The following CLVS1 variants were observed in gnomAD, a reference collection of about 807,000 sequenced individuals.
CLVS1 encodes clavesin 1, also known as clavesin-1.
A neutral mutation model predicts 33.1 loss-of-function variants in CLVS1; 10 were observed. That is an observed-to-expected ratio of 0.30 (90% CI 0.19 to 0.51). The LOEUF (loss-of-function observed/expected upper bound fraction) is 0.51, where lower values mean the gene tolerates loss of function less well. Among genes scored for constraint, CLVS1 ranks in the 20% least tolerant of loss-of-function variants. CLVS1 has a pLI of 0.97. For synonymous variants in CLVS1, 163 were observed against 166.1 expected (o/e 0.98, Z 0.14); for missense variants, 343 against 433.4 (o/e 0.79, Z 1.85).
chr8:61,004,961 A>G, the CLVS1 span, among the ~76,000 whole-genome samples: 3 of 152,302 alleles, frequency 2.0e-5, no homozygotes, highest in African/African-American at 7.2e-5. Context: ...ACAAGACAAA[A>G]CAAAACAAAA....
chr8:61,351,654 C>T (rs1295243028), intron 2 of CLVS1, among the ~76,000 whole-genome samples: 1 of 151,784 alleles, frequency 6.6e-6, no homozygotes, highest in Non-Finnish European at 1.5e-5. Flanking sequence ...CACTTATAAA[C>T]AAAAGACAAA....
At chr8:61,476,690 A>AC (rs1466523909) in intron 5 of CLVS1, among the ~76,000 whole-genome samples, 2 of 152,144 alleles carry the variant, frequency 1.3e-5, no homozygotes, top group East Asian at 3.9e-4. Context: ...ACTTAAGGAG[A>AC]TTTTGGGCTG....
At chr8:61,076,818 G>C (rs767816400) in intron 1 of CLVS1, among the ~76,000 whole-genome samples, 2 of 152,134 alleles carry the variant, frequency 1.3e-5, no homozygotes, top group Non-Finnish European at 2.9e-5. Flanking sequence ...TGCACTGGAA[G>C]AAGGCCAGAG....
At chr8:61,453,658 A>G (rs1817042073) in intron 3 of CLVS1, among the ~76,000 whole-genome samples, 1 of 152,152 alleles carries the variant, frequency 6.6e-6, no homozygotes, top group Admixed American at 6.5e-5. Context: ...TCCTTTTGCA[A>G]CTACTTCCTA....
At chr8:61,191,542 A>C (rs547637472) in intron 2 of CLVS1, among the ~76,000 whole-genome samples, 1 of 152,324 alleles carries the variant, frequency 6.6e-6, no homozygotes, top group East Asian at 1.9e-4. Context: ...AGGCAGGAGA[A>C]AGAAATAAAG....
chr8:61,111,121 C>T (rs1398379441), intron 1 of CLVS1, among the ~76,000 whole-genome samples: 1 of 152,030 alleles, frequency 6.6e-6, no homozygotes, highest in Non-Finnish European at 1.5e-5. Context: ...ATACTGTTTG[C>T]AGTAGTGGAA....
At chr8:61,171,843 GA>G (rs760980600) in intron 2 of CLVS1, among the ~76,000 whole-genome samples, 1 of 152,158 alleles carries the variant, frequency 6.6e-6, no homozygotes, top group Non-Finnish European at 1.5e-5. Context: ...ACTTTTGTAA[GA>G]AAGAAATTAC....
intron 2 of CLVS1, among the ~76,000 whole-genome samples, chr8:61,367,797 G>A (rs2129600737): frequency 1.3e-5 from 2 of 152,244 alleles, no homozygotes; most frequent in East Asian, 3.9e-4. Flanking sequence ...AATCCTCATT[G>A]CCTCCCATGT....
At chr8:61,305,590 G>A (rs190362396) in intron 2 of CLVS1, among the ~76,000 whole-genome samples, 122 of 152,188 alleles carry the variant, frequency 8.0e-4, no homozygotes, top group Non-Finnish European at 1.4e-3. Flanking sequence ...TCAGGTACAT[G>A]TGCAGGTTTG....
intron 3 of CLVS1, among the ~76,000 whole-genome samples, chr8:61,390,173 T>C (rs892632551): frequency 6.6e-6 from 1 of 152,196 alleles, no homozygotes; most frequent in Admixed American, 6.5e-5. Context: ...AATGAGAAAG[T>C]GCAAATTATA....
intron 5 of CLVS1, among the ~76,000 whole-genome samples, chr8:61,490,152 C>T (rs1804019499): frequency 6.6e-6 from 1 of 151,634 alleles, no homozygotes; most frequent in Non-Finnish European, 1.5e-5. Context: ...CCCATCTCTA[C>T]TAAAAATAAA....
At chr8:61,022,765 T>TA in the CLVS1 span, among the ~76,000 whole-genome samples, 8 of 152,332 alleles carry the variant, frequency 5.3e-5, no homozygotes, top group African/African-American at 1.9e-4. Context: ...CAAAATCAGT[T>TA]ACGCTGAAAA....
chr8:60,973,351 A>G, the CLVS1 span, among the ~76,000 whole-genome samples: 1 of 152,230 alleles, frequency 6.6e-6, no homozygotes, highest in African/African-American at 2.4e-5. Flanking sequence ...TTTCAGAGAT[A>G]AACATTTGCT....
chr8:61,286,905 A>G (rs1277274769), upstream of CLVS1, among the ~76,000 whole-genome samples: 1 of 152,182 alleles, frequency 6.6e-6, no homozygotes, highest in Non-Finnish European at 1.5e-5. Flanking sequence ...CTTTGCAAGT[A>G]TTTCTTTTTT....
chr8:61,030,834 C>T, the CLVS1 span, among the ~76,000 whole-genome samples: 1 of 152,136 alleles, frequency 6.6e-6, no homozygotes, highest in Non-Finnish European at 1.5e-5. Flanking sequence ...GGGAGACAGG[C>T]AGAACAGTAG....
chr8:61,115,303 A>C (rs1018206224), intron 1 of CLVS1, among the ~76,000 whole-genome samples: 34 of 152,082 alleles, frequency 2.2e-4, no homozygotes, highest in African/African-American at 8.2e-4. Context: ...ATGTCTAGCA[A>C]ATAGTAAGGA....
chr8:61,239,471 G>T (rs4085478), intron 2 of CLVS1, among the ~76,000 whole-genome samples: 24,425 of 152,060 alleles, frequency 0.16, 3,644 homozygotes, highest in East Asian at 0.69. Flanking sequence ...GGTGGCTCAC[G>T]CCTGTAATCC....
intron 2 of CLVS1, among the ~76,000 whole-genome samples, chr8:61,148,503 C>T (rs181711821): frequency 6.6e-6 from 1 of 152,272 alleles, no homozygotes; most frequent in Non-Finnish European, 1.5e-5. Context: ...AGAGGCTACT[C>T]GTGATGAGGT....
At chr8:61,441,972 AT>A (rs1436199651) in intron 3 of CLVS1, among the ~76,000 whole-genome samples, 1 of 152,154 alleles carries the variant, frequency 6.6e-6, no homozygotes, top group Non-Finnish European at 1.5e-5. Flanking sequence ...CTTTTTTAAC[AT>A]TCCATGTAAG....
Sources: gnomAD v4.1 joint callset for allele counts (sites outside exome capture counted in the v4.1 genomes callset) on GRCh38, gnomAD v4.1.1 for gene constraint, MANE v1.5 for transcripts, NCBI Gene and HGNC (gene_info 2026-07-23, HGNC 2026-07-21) for gene names.